C1QTNF7: variants seen among roughly 807,000 people sequenced by gnomAD.
C1QTNF7 encodes the protein complement C1q tumor necrosis factor-related protein 7.
A neutral mutation model predicts 19.6 loss-of-function variants in C1QTNF7; 15 were observed. The ratio of observed to expected loss-of-function variants is 0.76; its 90% confidence interval spans 0.51 to 1.18. The LOEUF (loss-of-function observed/expected upper bound fraction) is 1.18, where lower values mean the gene tolerates loss of function less well. C1QTNF7 is among the 50% of genes most tolerant of loss of function. The pLI is 0.00. For synonymous variants in C1QTNF7, 142 were observed against 137.5 expected (o/e 1.03, Z -0.23); for missense variants, 324 against 359.7 (o/e 0.90, Z 0.80).
intron 1 of C1QTNF7, among the ~76,000 whole-genome samples, chr4:15,395,811 G>A (rs1473597308): frequency 1.3e-5 from 2 of 152,080 alleles, no homozygotes; most frequent in Admixed American, 1.3e-4. Flanking sequence ...ACCATTTTAC[G>A]GATGAGAAAA....
chr4:15,423,152 C>G (rs1053498345), upstream of C1QTNF7, among the ~76,000 whole-genome samples: 1 of 152,156 alleles, frequency 6.6e-6, no homozygotes, highest in Non-Finnish European at 1.5e-5. Context: ...AGTTCCAGTT[C>G]TGGTTTAGCA....
intron 1 of C1QTNF7, among the ~76,000 whole-genome samples, chr4:15,377,945 T>C (rs1296367236): frequency 6.6e-6 from 1 of 152,230 alleles, no homozygotes; most frequent in Non-Finnish European, 1.5e-5. Context: ...TGAGGACTTA[T>C]ATGTCCTAAA....
intron 1 of C1QTNF7, among the ~76,000 whole-genome samples, chr4:15,385,417 C>T (rs1718298056): frequency 6.6e-6 from 1 of 152,174 alleles, no homozygotes; most frequent in Non-Finnish European, 1.5e-5. Flanking sequence ...CCACATCAGC[C>T]TCTGGGAGAA....
rs549486096 is a variant in C1QTNF7, at chr4:15,384,974, G to T, written c.13+44767G>T. On this transcript the variant is annotated intron_variant, in intron 1 of 2. Transcript: ENST00000295297. ...TCAGCCAGTGTTTCAGGGCTCCCAA[G>T]AAGGGCATTCTCTTGTGAGAACAAG... Among the ~76,000 whole-genome samples the T allele has an allele frequency of 3.0e-4, 45 of 152,330 alleles. 1 individual carries two copies. The highest frequency in any genetic ancestry group is 2.6e-3 in the Admixed American group (40 of 15,304).
In C1QTNF7 at chr4:15,442,920, C is replaced by T; in HGVS notation, c.*121C>T. Reference sequence around the variant, plus strand: ...GATTCTAAAGCATTTAAAGACAATTCTAGCAGAATTTATCAAAACAAGATG... The same window carrying T: ...GATTCTAAAGCATTTAAAGACAATTTTAGCAGAATTTATCAAAACAAGATG... On this transcript the variant is annotated 3_prime_UTR_variant, in exon 3 of 3. Coordinates refer to ENST00000444304, the MANE Select transcript of C1QTNF7 (RefSeq NM_031911.5). 1 of 1,070,474 alleles carries T rather than the reference C, an allele frequency of 9.3e-7. No individual in the cohort carries two copies. The highest frequency in any genetic ancestry group is 1.3e-6 in the Non-Finnish European group (1 of 769,054). The allele number at this position is 1,070,474 out of a possible 1,614,324, so 66.3% of individuals were successfully genotyped here. A position where few individuals can be genotyped will look rare whatever the true frequency, so the allele number is the denominator to read the frequency against.
chr4:15,397,382 C>T (rs992372411), intron 1 of C1QTNF7, among the ~76,000 whole-genome samples: 1 of 152,244 alleles, frequency 6.6e-6, no homozygotes, highest in African/African-American at 2.4e-5. Flanking sequence ...TACTCGCCTG[C>T]TCTGCAACCT....
rs371471274 is a variant in C1QTNF7 at position 15,442,559 on chromosome 4, G to T, written c.630G>T (p.Leu210=). ...TLANKHLAIG[L]VHNGQYRIKT... is the part of the protein sequence containing the mutation. The stretch of plus-strand genomic sequence containing the variant: ...CTAATAAGCATCTGGCAATCGGACT[G>T]GTACACAATGGGCAATACCGGATAA... Residue 210 remains leucine (L), a synonymous_variant, in exon 3 of 3, where the codon CTG becomes CTT. Transcript: ENST00000444304. 4 of 1,614,040 alleles carry T rather than the reference G, an allele frequency of 2.5e-6. No individual in the cohort carries two copies. In the African/African-American group the frequency reaches 5.3e-5, roughly 22 times the overall value.
chr4:15,445,776 G>T lies in C1QTNF7; in HGVS notation c.*2977G>T, dbSNP rs771835903. 1 of 152,152 alleles carries T rather than the reference G, an allele frequency of 6.6e-6. No individual in the cohort carries two copies. The highest frequency in any genetic ancestry group is 1.9e-4 in the East Asian group (1 of 5,200). The allele number at this position is 152,152 out of a possible 1,614,324, so 9.4% of individuals were successfully genotyped here. ...CTCATTGCAATCATTCTTTGTAAAG[G>T]CTGACTTGTAATGAATATGTATTAA... On this transcript the variant is annotated 3_prime_UTR_variant, in exon 3 of 3. Transcript: ENST00000444304.
chr4:15,362,717 T>C (rs1002244177), intron 1 of C1QTNF7, among the ~76,000 whole-genome samples: 3 of 152,192 alleles, frequency 2.0e-5, no homozygotes, highest in African/African-American at 7.2e-5. Context: ...CCATATATCC[T>C]TCAGCATCTC....
At chr4:15,368,083 C>T (rs1196957071) in intron 1 of C1QTNF7, among the ~76,000 whole-genome samples, 1 of 152,134 alleles carries the variant, frequency 6.6e-6, no homozygotes, top group Non-Finnish European at 1.5e-5. Flanking sequence ...CCTCATGCAA[C>T]CACTTATCTG....
intron 1 of C1QTNF7, among the ~76,000 whole-genome samples, chr4:15,430,834 A>G (rs112775214): frequency 6.6e-6 from 1 of 152,226 alleles, no homozygotes; most frequent in African/African-American, 2.4e-5. Context: ...ACAAATTTTT[A>G]AATGTGAAAA....
At chr4:15,373,986 C>T (rs1176094115) in intron 1 of C1QTNF7, 1 of 152,170 alleles carries the variant, frequency 6.6e-6, no homozygotes, top group Non-Finnish European at 1.5e-5. Flanking sequence ...TATGACCAAG[C>T]AAGGGTTACT....
intron 1 of C1QTNF7, among the ~76,000 whole-genome samples, chr4:15,385,322 G>C (rs961089071): frequency 6.6e-6 from 1 of 152,240 alleles, no homozygotes. Context: ...AGAAAAGGAA[G>C]TGACATAGAG....
At chr4:15,430,852 C>T (rs1279280789) in intron 1 of C1QTNF7, among the ~76,000 whole-genome samples, 1 of 151,792 alleles carries the variant, frequency 6.6e-6, no homozygotes, top group African/African-American at 2.4e-5. Flanking sequence ...AAAAATGAAA[C>T]AAAAAAATTG....
At chr4:15,388,483 G>A (rs1718426479) in intron 1 of C1QTNF7, among the ~76,000 whole-genome samples, 1 of 152,128 alleles carries the variant, frequency 6.6e-6, no homozygotes, top group East Asian at 1.9e-4. Context: ...CATGAATAAG[G>A]TACAAATTAA....
chr4:15,383,402 C>T (rs1718219890), intron 1 of C1QTNF7, among the ~76,000 whole-genome samples: 1 of 152,184 alleles, frequency 6.6e-6, no homozygotes, highest in Non-Finnish European at 1.5e-5. Context: ...GAAATGCCCT[C>T]CTGAAAAATT....
chr4:15,442,509 T>C lies in C1QTNF7; in HGVS notation c.580T>C (p.Tyr194His). The change falls in exon 3 of 3, where the codon TAC becomes CAC. Residue 194 changes from tyrosine to histidine, a missense_variant. Tyr to His is a moderately conservative substitution (Grantham distance 83). Transcript: ENST00000444304. ...CATCTGTGCTTTCCCAGGGATCTATTACTTTTCTTATGATATCACATTGGC... is the reference window on the plus strand; with the variant it reads ...CATCTGTGCTTTCCCAGGGATCTATCACTTTTCTTATGATATCACATTGGC... ...KFICAFPGIY[Y>H]FSYDITLANK... is the part of the protein sequence containing the mutation. The C allele has an allele frequency of 6.2e-7, 1 of 1,614,244 alleles. No homozygotes were observed. The highest frequency in any genetic ancestry group is 8.5e-7 in the Non-Finnish European group (1 of 1,180,040).
intron 1 of C1QTNF7, among the ~76,000 whole-genome samples, chr4:15,382,220 T>C (rs778161119): frequency 1.3e-5 from 2 of 152,184 alleles, no homozygotes. Context: ...TGTGGTTTTC[T>C]TTCCATTTTA....
intron 1 of C1QTNF7, among the ~76,000 whole-genome samples, chr4:15,396,907 C>G (rs184037111): frequency 6.6e-6 from 1 of 152,090 alleles, no homozygotes; most frequent in South Asian, 2.1e-4. Flanking sequence ...TCTGTTTTCA[C>G]GCTGCTAATA....
Sources: allele counts gnomAD v4.1 joint callset (sites outside exome capture counted in the v4.1 genomes callset), GRCh38; gene constraint gnomAD v4.1.1; transcripts MANE v1.5; gene names NCBI Gene and HGNC (gene_info 2026-07-23, HGNC 2026-07-21).